RNF157: variants seen among roughly 807,000 people sequenced by gnomAD.
RNF157 encodes E3 ubiquitin ligase RNF157.
RNF157 carries 55 observed loss-of-function variants against 88.3 expected under a neutral mutation model. The observed-to-expected ratio is 0.62, with a 90% confidence interval of 0.50 to 0.78. The LOEUF (loss-of-function observed/expected upper bound fraction) is 0.78, where lower values mean the gene tolerates loss of function less well. Among genes scored for constraint, RNF157 ranks in the 30% least tolerant of loss-of-function variants. RNF157 has a pLI of 0.00. For missense variants in RNF157, 788 were observed against 860.8 expected, an observed-to-expected ratio of 0.92 and a Z score of 1.06; for synonymous variants, 334 against 341.2, an observed-to-expected ratio of 0.98 and a Z score of 0.23.
intron 2 of RNF157, among the ~76,000 whole-genome samples, chr17:76,193,379 T>C (rs1364867463): frequency 6.6e-6 from 1 of 152,154 alleles, no homozygotes; most frequent in Non-Finnish European, 1.5e-5. Flanking sequence ...AATGCACAAA[T>C]GAAATACAAG....
intron 18 of RNF157, 199 bp from the exon 19 acceptor site, chr17:76,145,552 C>T (rs1598378246): frequency 3.8e-6 from 2 of 532,942 alleles, no homozygotes; most frequent in East Asian, 3.1e-5. Context: ...CCTGCTCCTG[C>T]CCCCTGGGCT....
chr17:76,156,004 A>C (rs2068757470), intron 14 of RNF157, among the ~76,000 whole-genome samples: 2 of 152,200 alleles, frequency 1.3e-5, no homozygotes, highest in Admixed American at 1.3e-4. Flanking sequence ...ACTGGGGCTG[A>C]GAGAATTAAC....
chr17:76,147,022 C>G (rs1238909291), intron 18 of RNF157: 4 of 985,326 alleles, frequency 4.1e-6, no homozygotes, highest in Non-Finnish European at 4.8e-6. Flanking sequence ...CCCAGGGGAA[C>G]AGTGAGAACA....
chr17:76,209,143 G>A (rs2069733039), intron 2 of RNF157, among the ~76,000 whole-genome samples: 1 of 151,648 alleles, frequency 6.6e-6, no homozygotes, highest in South Asian at 2.1e-4. Context: ...AACTGGACTC[G>A]AATTCTCCTG....
chr17:76,171,109 G>A (rs1002538826), intron 3 of RNF157, among the ~76,000 whole-genome samples: 1 of 151,974 alleles, frequency 6.6e-6, no homozygotes, highest in Non-Finnish European at 1.5e-5. Context: ...AGCCAGGATG[G>A]TCTCGATCTC....
At chr17:76,212,664 C>A (rs1367872302) in intron 1 of RNF157, among the ~76,000 whole-genome samples, 182 bp from the exon 2 acceptor site, 1 of 152,116 alleles carries the variant, frequency 6.6e-6, no homozygotes, top group Non-Finnish European at 1.5e-5. Flanking sequence ...GAGTTCGAGA[C>A]CAGCCTGGCC....
Position 76,145,383 on chromosome 17 carries a change from G to A in RNF157, c.1922-30C>T, listed in dbSNP as rs372125798. On this transcript the variant is annotated intron_variant, in intron 18 of 18. Transcript: ENST00000269391. ...GGAAGAGAAAATGAACATTACAGGA[G>A]CCAGACCTTTGGCCAAATCCAGATG... The A allele has an allele frequency of 7.4e-5, 116 of 1,568,304 alleles. 1 individual carries two copies. Among genetic ancestry groups the A allele is most frequent in the South Asian group, 1.5e-4 (13 of 89,074 alleles).
chr17:76,162,445 A>C, intron 9 of RNF157, 107 bp downstream of exon 9: 1 of 777,174 alleles, frequency 1.3e-6, no homozygotes, highest in Non-Finnish European at 2.2e-6. Context: ...CCCTTCTAAG[A>C]CCTAACTGAT....
rs1333464813 is a variant in RNF157 at position 76,240,079 on chromosome 17, T to G, written c.88+74A>C. 1 of 942,202 alleles carries G rather than the reference T, an allele frequency of 1.1e-6. No homozygotes were observed. Among genetic ancestry groups the G allele is most frequent in the African/African-American group, 1.7e-5 (1 of 57,286 alleles). 58.4% of individuals were successfully genotyped at this position (942,202 alleles called of 1,614,324 possible). A position where few individuals can be genotyped will look rare whatever the true frequency, so the allele number is the denominator to read the frequency against. On this transcript the variant is annotated intron_variant, in intron 1 of 18. Transcript: ENST00000269391. The surrounding 1 kb of genome is among the most constrained non-coding windows in gnomAD (Gnocchi z 4.4). ...GTCCCCGAAGACCCGCGGGGCCCCCTCAGGCCGTCCCGACCCAGACCCCTG... is the reference window on the plus strand; with the variant it reads ...GTCCCCGAAGACCCGCGGGGCCCCCGCAGGCCGTCCCGACCCAGACCCCTG...
chr17:76,167,470 T>C (rs771475014), intron 4 of RNF157, among the ~76,000 whole-genome samples, 181 bp downstream of exon 4: 1 of 152,234 alleles, frequency 6.6e-6, no homozygotes, highest in Admixed American at 6.5e-5. Flanking sequence ...AGATCTCATC[T>C]GGCTGCAGAA....
At chr17:76,145,497 C>T in intron 18 of RNF157, 144 bp from the exon 19 acceptor site, 1 of 609,202 alleles carries the variant, frequency 1.6e-6, no homozygotes, top group South Asian at 2.1e-5. Flanking sequence ...AGCCACAGCA[C>T]TCGTGTGTGA....
intron 2 of RNF157, among the ~76,000 whole-genome samples, chr17:76,186,494 T>G (rs1045961443): frequency 6.7e-6 from 1 of 149,768 alleles, no homozygotes; most frequent in Non-Finnish European, 1.5e-5. Context: ...GCAACAAGAG[T>G]GAGACTCTGT....
intron 2 of RNF157, among the ~76,000 whole-genome samples, chr17:76,203,139 C>CA (rs1266787863): frequency 6.6e-6 from 1 of 151,986 alleles, no homozygotes; most frequent in Non-Finnish European, 1.5e-5. Context: ...TACAGGCATG[C>CA]ACCACCATGC....
At chr17:76,225,226 C>T (rs537789052) in intron 1 of RNF157, among the ~76,000 whole-genome samples, 59 of 152,242 alleles carry the variant, frequency 3.9e-4, no homozygotes, top group African/African-American at 1.3e-3. Flanking sequence ...TGGCTCACAA[C>T]TGTAATCCCA....
rs118026392 is a variant in RNF157, at chr17:76,222,092, C to T, written c.89-9610G>A. On this transcript the variant is annotated intron_variant, in intron 1 of 18. Coordinates refer to ENST00000269391, the MANE Select transcript of RNF157 (RefSeq NM_052916.3). The stretch of plus-strand genomic sequence containing the variant: ...ATGTTCTAGAGGCCGGGCGCAGTGG[C>T]GCACACCTTTTGGGAGGCTGAGGCA... Among the ~76,000 whole-genome samples, 11 of 152,268 alleles carry T rather than the reference C, an allele frequency of 7.2e-5. No homozygotes were observed. The East Asian group carries it at 9.6e-4, about 13-fold the overall frequency.
At chr17:76,182,451 CTG>C (rs5822121) in intron 2 of RNF157, among the ~76,000 whole-genome samples, 1,781 of 143,926 alleles carry the variant, frequency 0.012, 14 homozygotes, top group African/African-American at 0.015. Context: ...CGCATTTAGT[CTG>C]TGTGTGTGTG....
At chr17:76,203,610 G>A (rs1694317259) in intron 2 of RNF157, among the ~76,000 whole-genome samples, 1 of 151,452 alleles carries the variant, frequency 6.6e-6, no homozygotes, top group African/African-American at 2.4e-5. Context: ...CCGCCATCAT[G>A]CCTGGCTAAT....
Position 76,145,210 on chromosome 17 carries a change from G to A in RNF157, c.*25C>T. ...GATGGATGGAATGCAGGGCAGGAGG[G>A]GAGCCCAAGTGCAGAGGCTGGGGCT... On this transcript the variant is annotated 3_prime_UTR_variant, in exon 19 of 19. Coordinates refer to ENST00000269391, the MANE Select transcript of RNF157 (RefSeq NM_052916.3). The A allele has an allele frequency of 6.9e-7, 1 of 1,456,042 alleles. No individual in the cohort carries two copies. 90.2% of individuals were successfully genotyped at this position (1,456,042 alleles called of 1,614,324 possible). A position where few individuals can be genotyped will look rare whatever the true frequency, so the allele number is the denominator to read the frequency against.
chr17:76,159,428 T>C lies in RNF157; in HGVS notation c.1211A>G (p.Asp404Gly). The C allele has an allele frequency of 6.2e-7, 1 of 1,613,210 alleles. No individual in the cohort carries two copies. Among genetic ancestry groups the C allele is most frequent in the Non-Finnish European group, 8.5e-7 (1 of 1,179,732 alleles). Residue 404 changes from aspartate to glycine, a missense_variant, in exon 12 of 19, where the codon GAT (aspartate) becomes GGT (glycine). Asp to Gly is a moderately conservative substitution (Grantham distance 94). Transcript: ENST00000269391. Reference sequence around the variant, plus strand: ...CGTCCTGACGGGGGGCAGGTGGCCATCACTGCCATATGAAGGGAGCATTCC... The same window carrying C: ...CGTCCTGACGGGGGGCAGGTGGCCACCACTGCCATATGAAGGGAGCATTCC... ...LSGMLPSYGS[D>G]GHLPPVRTIS... is the part of the protein sequence containing the mutation.
Sources: gnomAD v4.1 joint callset for allele counts (sites outside exome capture counted in the v4.1 genomes callset) on GRCh38, gnomAD v4.1.1 for gene constraint, Gnocchi (gnomAD v3.1) non-coding constraint, MANE v1.5 for transcripts, NCBI Gene and HGNC (gene_info 2026-07-23, HGNC 2026-07-21) for gene names.